Variants in NXPE4 observed in about 807,000 individuals in gnomAD.
The protein encoded by NXPE4 is NXPE family member 4.
In NXPE4, 42 loss-of-function variants were observed where a neutral mutation model predicts 33.3. The ratio of observed to expected loss-of-function variants is 1.26; its 90% CI spans 0.98 to 1.63. The LOEUF (loss-of-function observed/expected upper bound fraction) is 1.63, where lower values mean the gene tolerates loss of function less well. Among genes scored for constraint, NXPE4 ranks in the 40% most tolerant of loss-of-function variants. The probability of loss-of-function intolerance (pLI) is 0.00; values close to 1 mark genes in which losing one functional copy is unlikely to be tolerated. For synonymous variants in NXPE4, 253 were observed against 234.9 expected (o/e 1.08, Z -0.71); for missense variants, 709 against 647.6 (o/e 1.09, Z -1.03).
chr11:114,618,700 T>C, the NXPE4 span, among the ~76,000 whole-genome samples: 1 of 152,186 alleles, frequency 6.6e-6, no homozygotes, highest in East Asian at 1.9e-4. Flanking sequence ...TAATAAGTGC[T>C]GTGTCGTGGG....
chr11:114,610,637 A>C, the NXPE4 span, among the ~76,000 whole-genome samples: 5 of 141,232 alleles, frequency 3.5e-5, no homozygotes, highest in African/African-American at 1.5e-4. Flanking sequence ...GTGTTGCCTC[A>C]TGGGTAACCA....
the NXPE4 span, among the ~76,000 whole-genome samples, chr11:114,615,296 T>C: frequency 1.3e-5 from 2 of 151,984 alleles, no homozygotes; most frequent in African/African-American, 4.8e-5. Context: ...ACCTGGTGGA[T>C]GATAAATATT....
At chr11:114,669,075 A>G in the NXPE4 span, among the ~76,000 whole-genome samples, 2 of 152,048 alleles carry the variant, frequency 1.3e-5, no homozygotes, top group East Asian at 1.9e-4. Flanking sequence ...GAAAATTCCT[A>G]TGCTCTGGAA....
At chr11:114,601,812 TA>T in the NXPE4 span, among the ~76,000 whole-genome samples, 72 of 73,922 alleles carry the variant, frequency 9.7e-4, 1 homozygote, top group East Asian at 0.014. Context: ...ATATATTATA[TA>T]ATTATATATA....
At chr11:114,636,441 G>GT in the NXPE4 span, among the ~76,000 whole-genome samples, 2 of 151,970 alleles carry the variant, frequency 1.3e-5, no homozygotes, top group African/African-American at 4.8e-5. Context: ...TGTTTGAAGG[G>GT]TTTTTTGTGT....
At chr11:114,590,068 A>G (rs1949410988) in intron 2 of NXPE4, among the ~76,000 whole-genome samples, 1 of 152,190 alleles carries the variant, frequency 6.6e-6, no homozygotes, top group South Asian at 2.1e-4. Context: ...CTGCCCAGTT[A>G]AAATGGATGG....
the NXPE4 span, among the ~76,000 whole-genome samples, chr11:114,610,451 G>A: frequency 6.6e-6 from 1 of 151,928 alleles, no homozygotes; most frequent in East Asian, 1.9e-4. Flanking sequence ...TTTCCCGGTG[G>A]ATAATAAGTG....
the NXPE4 span, among the ~76,000 whole-genome samples, chr11:114,619,961 C>T: frequency 1.3e-5 from 2 of 152,040 alleles, no homozygotes; most frequent in East Asian, 1.9e-4. Context: ...AGTGTTGCCT[C>T]GTGAGTAACC....
the NXPE4 span, among the ~76,000 whole-genome samples, chr11:114,651,304 G>A: frequency 2.6e-5 from 4 of 151,714 alleles, no homozygotes; most frequent in African/African-American, 9.7e-5. Flanking sequence ...GACTTTAGGA[G>A]TGAAGCCGCA....
chr11:114,610,266 GT>G, the NXPE4 span, among the ~76,000 whole-genome samples: 1 of 151,384 alleles, frequency 6.6e-6, no homozygotes, highest in African/African-American at 2.4e-5. Flanking sequence ...TGGATAATAG[GT>G]GTTGCCTACC....
chr11:114,662,978 G>A, the NXPE4 span, among the ~76,000 whole-genome samples: 13,972 of 152,212 alleles, frequency 0.092, 766 homozygotes, highest in Middle Eastern at 0.2. Flanking sequence ...CAATGGAGGA[G>A]AGCAACAAGC....
At chr11:114,639,079 A>G in the NXPE4 span, among the ~76,000 whole-genome samples, 1 of 152,158 alleles carries the variant, frequency 6.6e-6, no homozygotes, top group East Asian at 1.9e-4. Flanking sequence ...GGTGGAGCCT[A>G]CAGAGGCAGG....
the NXPE4 span, among the ~76,000 whole-genome samples, chr11:114,668,248 A>G: frequency 6.6e-6 from 1 of 152,074 alleles, no homozygotes; most frequent in Non-Finnish European, 1.5e-5. Context: ...TAATTAAGGT[A>G]CACTAGAGGG....
chr11:114,619,947 A>G, the NXPE4 span, among the ~76,000 whole-genome samples: 1 of 151,934 alleles, frequency 6.6e-6, no homozygotes, highest in Non-Finnish European at 1.5e-5. Flanking sequence ...CCCGGTGGAT[A>G]ATAAGTGTTG....
the NXPE4 span, among the ~76,000 whole-genome samples, chr11:114,620,973 G>T: frequency 4.0e-4 from 61 of 152,150 alleles, no homozygotes; most frequent in Non-Finnish European, 7.4e-4. Context: ...GTTCCCTCAT[G>T]GGTAACCACT....
At chr11:114,583,218 T>C in intron 2 of NXPE4, 197 bp from the exon 3 acceptor site, 1 of 719,792 alleles carries the variant, frequency 1.4e-6, no homozygotes. Flanking sequence ...GGAGATTGAC[T>C]GACAGGAGAG....
At chr11:114,606,292 T>TTCTTA in the NXPE4 span, among the ~76,000 whole-genome samples, 7 of 151,456 alleles carry the variant, frequency 4.6e-5, 1 homozygote, top group African/African-American at 1.7e-4. Flanking sequence ...GGATAATAAA[T>TTCTTA]GTTGCCTCAT....
chr11:114,594,872 T>G, intron 1 of NXPE4, 103 bp from the exon 2 acceptor site: 1 of 635,002 alleles, frequency 1.6e-6, no homozygotes. Context: ...TGATTACTTT[T>G]TAGCCTCAGA....
chr11:114,593,604 G>A (rs1949512990), intron 2 of NXPE4, among the ~76,000 whole-genome samples: 1 of 152,034 alleles, frequency 6.6e-6, no homozygotes, highest in South Asian at 2.1e-4. Context: ...CCACTATAGA[G>A]AACAGTTTGG....
Sources: allele counts gnomAD v4.1 joint callset (sites outside exome capture counted in the v4.1 genomes callset), GRCh38; gene constraint gnomAD v4.1.1; transcripts MANE v1.5; gene names NCBI Gene and HGNC (gene_info 2026-07-23, HGNC 2026-07-21).